The following RMDN2 variants were observed in gnomAD, a reference collection of about 807,000 sequenced individuals.
RMDN2 encodes the protein regulator of microtubule dynamics protein 2.
A neutral mutation model predicts 52.8 loss-of-function variants in RMDN2; 61 were observed. The ratio of observed to expected loss-of-function variants is 1.16; its 90% CI spans 0.94 to 1.43. RMDN2 has a LOEUF of 1.43. RMDN2 is among the 40% of genes most tolerant of loss of function. RMDN2 has a pLI of 0.00. For missense variants in RMDN2, 592 were observed against 475.3 expected, an observed-to-expected ratio of 1.25 and a Z score of -2.28; for synonymous variants, 180 against 153.1, an observed-to-expected ratio of 1.18 and a Z score of -1.30.
Position 37,989,702 on chromosome 2 carries a change from C to A in RMDN2, c.867+86C>A, listed in dbSNP as rs946370707. The A allele has an allele frequency of 4.6e-6, 4 of 864,690 alleles. No homozygotes were observed. The African/African-American group carries it at 5.2e-5, about 11-fold the overall frequency. 53.6% of individuals were successfully genotyped at this position (864,690 alleles called of 1,614,324 possible). On this transcript the variant is annotated intron_variant, in intron 6 of 10. Transcript: ENST00000354545. ...TAATAATAAAAATGTTTTAATGTAGCCATATGTTCCATCAATGGGTATAAA... is the reference window on the plus strand; with the variant it reads ...TAATAATAAAAATGTTTTAATGTAGACATATGTTCCATCAATGGGTATAAA...
chr2:37,940,873 C>A (rs927932562), intron 2 of RMDN2, among the ~76,000 whole-genome samples: 6 of 152,170 alleles, frequency 3.9e-5, no homozygotes, highest in Non-Finnish European at 8.8e-5. Flanking sequence ...TATTACCCAC[C>A]TTCTGAAGCC....
At chr2:38,018,154 C>T (rs1210943846), downstream of RMDN2, among the ~76,000 whole-genome samples, 2 of 152,144 alleles carry the variant, frequency 1.3e-5, no homozygotes, top group South Asian at 2.1e-4. Flanking sequence ...TAATGCAGGT[C>T]ACAGGGAATA....
chr2:37,974,071 CAG>C lies in RMDN2; in HGVS notation c.487_488del (p.Ser163PhefsTer5), dbSNP rs757276858. 5.0e-6 allele frequency: 8 copies of C among 1,610,502 alleles called. No homozygotes were observed. The highest frequency in any genetic ancestry group is 3.4e-5 in the Admixed American group (2 of 59,440). ...YITANTDTEEQSFPVPKAFNT... is the reference protein window; with the variant it reads ...YITANTDTEEXSFPVPKAFNT... ...TACAGCTAATACTGACACAGAAGAA[CAG>C]AGTTTTCCAGTCCCTAAGGCATTTA... On this transcript the variant is annotated frameshift_variant, in exon 3 of 11. Coordinates refer to ENST00000354545, the MANE Select transcript of RMDN2 (RefSeq NM_001170791.3). LOFTEE classifies it high-confidence loss of function.
In RMDN2 at chr2:38,017,335, G is replaced by C; in HGVS notation, c.*96G>C. ...TATTATCCTTCATTTTTGATGTAAGGGTATTGTGCTTAGATTTGAAGGTAA... is the reference window on the plus strand; with the variant it reads ...TATTATCCTTCATTTTTGATGTAAGCGTATTGTGCTTAGATTTGAAGGTAA... On this transcript the variant is annotated 3_prime_UTR_variant, in exon 11 of 11. Transcript: ENST00000354545. The C allele has an allele frequency of 7.0e-7, 1 of 1,422,530 alleles. No individual in the cohort carries two copies. The highest frequency in any genetic ancestry group is 9.2e-7 in the Non-Finnish European group (1 of 1,082,062). The allele number at this position is 1,422,530 out of a possible 1,614,324, so 88.1% of individuals were successfully genotyped here. A position where few individuals can be genotyped will look rare whatever the true frequency, so the allele number is the denominator to read the frequency against.
chr2:37,945,966 G>A (rs1429326976), intron 2 of RMDN2, among the ~76,000 whole-genome samples: 1 of 152,104 alleles, frequency 6.6e-6, no homozygotes, highest in Admixed American at 6.5e-5. Context: ...GACCTCTCAA[G>A]GTGAATACTC....
chr2:38,004,757 A>C (rs1369591543), intron 10 of RMDN2, among the ~76,000 whole-genome samples: 1 of 151,314 alleles, frequency 6.6e-6, no homozygotes, highest in Non-Finnish European at 1.5e-5. Flanking sequence ...GGCTTGTTAC[A>C]TATGTATATA....
chr2:38,023,896 A>G (rs1384096569), intron 10 of RMDN2, among the ~76,000 whole-genome samples: 1 of 152,202 alleles, frequency 6.6e-6, no homozygotes, highest in Non-Finnish European at 1.5e-5. Context: ...AAACATTTTC[A>G]TCACTTCAAA....
At chr2:38,003,621 C>A (rs983366405) in intron 8 of RMDN2, among the ~76,000 whole-genome samples, 2 of 150,898 alleles carry the variant, frequency 1.3e-5, no homozygotes, top group African/African-American at 4.9e-5. Context: ...GACAGACAGA[C>A]AGACAAATAT....
intron 2 of RMDN2, chr2:37,951,888 C>T (rs1668859176): frequency 6.2e-7 from 1 of 1,613,194 alleles, no homozygotes; most frequent in Admixed American, 1.7e-5. Context: ...TATTTCCTCT[C>T]CCGATCAACA....
chr2:37,991,714 G>A (rs1674818457), intron 7 of RMDN2, among the ~76,000 whole-genome samples: 1 of 152,058 alleles, frequency 6.6e-6, no homozygotes, highest in African/African-American at 2.4e-5. Context: ...TCTGTGAGAG[G>A]ACTTTTTTTC....
In RMDN2 at chr2:38,017,364, C is replaced by G; in HGVS notation, c.*125C>G. The G allele has an allele frequency of 7.2e-7, 1 of 1,394,266 alleles. No individual in the cohort carries two copies. Among genetic ancestry groups the G allele is most frequent in the Non-Finnish European group, 9.4e-7 (1 of 1,068,188 alleles). 86.4% of individuals were successfully genotyped at this position (1,394,266 alleles called of 1,614,324 possible). ...TTGTGCTTAGATTTGAAGGTAAAGC[C>G]ATGTTTCTGCAGAATGCATTCCACT... On this transcript the variant is annotated 3_prime_UTR_variant, in exon 11 of 11. Coordinates refer to ENST00000354545, the MANE Select transcript of RMDN2 (RefSeq NM_001170791.3).
chr2:37,936,977 G>A (rs1191703866), intron 2 of RMDN2, among the ~76,000 whole-genome samples: 1 of 152,184 alleles, frequency 6.6e-6, no homozygotes, highest in African/African-American at 2.4e-5. Context: ...TCATGCCTAT[G>A]TCCTGAATGA....
chr2:38,006,371 T>G (rs2125203662), intron 10 of RMDN2, among the ~76,000 whole-genome samples: 1 of 152,342 alleles, frequency 6.6e-6, no homozygotes, highest in South Asian at 2.1e-4. Flanking sequence ...TATCCTCTTT[T>G]ATTTCATTGG....
rs1201062346 is a variant in RMDN2, at chr2:37,939,777, G to C, written c.452+10048G>C. On this transcript the variant is annotated intron_variant, in intron 2 of 10. Transcript: ENST00000354545. The stretch of plus-strand genomic sequence containing the variant: ...TCCATCCCTTTATTTTGTGCATATG[G>C]GTGTCTTTGCATGTGAGATGGGTCC... Among the ~76,000 whole-genome samples the C allele has an allele frequency of 3.9e-5, 6 of 151,978 alleles. No individual in the cohort carries two copies. In the East Asian group the frequency reaches 1.2e-3, roughly 29 times the overall value.
chr2:37,924,747 A>G (rs1280250760), upstream of RMDN2, among the ~76,000 whole-genome samples: 1 of 152,252 alleles, frequency 6.6e-6, no homozygotes. Context: ...AATGTCAGGC[A>G]TCTGAAAAAA....
chr2:38,011,863 C>A (rs569346591), intron 10 of RMDN2, among the ~76,000 whole-genome samples: 37 of 152,176 alleles, frequency 2.4e-4, no homozygotes, highest in Non-Finnish European at 4.3e-4. Context: ...TGCCCACTTT[C>A]CCCCGGACCA....
intron 2 of RMDN2, among the ~76,000 whole-genome samples, chr2:37,949,062 TTTGGAAAA>T (rs2124950407): frequency 6.6e-6 from 1 of 152,246 alleles, no homozygotes; most frequent in African/African-American, 2.4e-5. Context: ...AAGAGATCCT[TTTGGAAAA>T]TGACAATCAG....
Position 37,951,220 on chromosome 2 carries a change from T to C in RMDN2, c.452+21491T>C, listed in dbSNP as rs771443884. The C allele has an allele frequency of 2.1e-5, 32 of 1,543,180 alleles. No individual in the cohort carries two copies. The African/African-American group carries it at 3.7e-4, about 18-fold the overall frequency. ...TATTTTTTTTCCTCATTTGACCCTTTTCTCACTCTTAGCTGCTGCAAAGAG... is the reference window on the plus strand; with the variant it reads ...TATTTTTTTTCCTCATTTGACCCTTCTCTCACTCTTAGCTGCTGCAAAGAG... On this transcript the variant is annotated intron_variant, in intron 2 of 10. Coordinates refer to ENST00000354545, the MANE Select transcript of RMDN2 (RefSeq NM_001170791.3).
intron 10 of RMDN2, among the ~76,000 whole-genome samples, chr2:38,062,776 C>CAT: frequency 8.3e-6 from 1 of 120,834 alleles, no homozygotes; most frequent in Admixed American, 8.6e-5. Flanking sequence ...CCTTCCCCCC[C>CAT]CCCACAACAG....
Sources: allele counts gnomAD v4.1 joint callset (sites outside exome capture counted in the v4.1 genomes callset), GRCh38; gene constraint gnomAD v4.1.1; transcripts MANE v1.5; gene names NCBI Gene and HGNC (gene_info 2026-07-23, HGNC 2026-07-21).